Variants in MCU observed in about 807,000 individuals in gnomAD.
MCU encodes calcium uniporter protein, mitochondrial.
MCU carries 12 observed loss-of-function variants against 45.2 expected under a neutral mutation model. That is an observed-to-expected ratio of 0.27 (90% CI 0.17 to 0.43). The LOEUF is 0.43. Among genes scored for constraint, MCU ranks in the 20% least tolerant of loss-of-function variants. The probability of loss-of-function intolerance (pLI) is 1.00; values close to 1 mark genes in which losing one functional copy is unlikely to be tolerated. For missense variants in MCU, 324 were observed against 436.7 expected (o/e 0.74, Z 2.30); for synonymous variants, 160 against 165.1 (o/e 0.97, Z 0.24).
rs1190128294 is a variant in MCU, at chr10:72,867,804, G to A, written c.497-899G>A. Among the ~76,000 whole-genome samples, 3 of 148,008 alleles carry A rather than the reference G, an allele frequency of 2.0e-5. No individual in the cohort carries two copies. In the Admixed American group the frequency reaches 2.0e-4, roughly 10 times the overall value. ...CAGGAGGTGGAGCTTGCAGTGAGCC[G>A]AGATCGCGCCACTGCACTCCAGCCT... On this transcript the variant is annotated intron_variant, in intron 4 of 7. Transcript: ENST00000373053.
intron 1 of MCU, among the ~76,000 whole-genome samples, chr10:72,790,406 A>G (rs571406210): frequency 7.2e-5 from 11 of 152,272 alleles, no homozygotes; most frequent in African/African-American, 2.4e-4. Context: ...TGAATGTTGT[A>G]TGTATTTTAT....
chr10:72,736,293 T>G (rs892235478), intron 1 of MCU, among the ~76,000 whole-genome samples: 2 of 152,208 alleles, frequency 1.3e-5, no homozygotes, highest in African/African-American at 4.8e-5. Context: ...TTACAGATCA[T>G]TCTGCATGCT....
At chr10:72,786,910 A>G (rs1393538792) in intron 1 of MCU, among the ~76,000 whole-genome samples, 1 of 152,150 alleles carries the variant, frequency 6.6e-6, no homozygotes, top group Non-Finnish European at 1.5e-5. Flanking sequence ...TACACAAATC[A>G]CCAAATGTGT....
rs60826955 is a variant in MCU at position 72,726,256 on chromosome 10, C to CGTGTGTGTGTGT, written c.150+33974_150+33985dup. Among the ~76,000 whole-genome samples the CGTGTGTGTGTGT allele has an allele frequency of 3.5e-3, 505 of 145,630 alleles. 3 individuals are homozygous for CGTGTGTGTGTGT. Among genetic ancestry groups the CGTGTGTGTGTGT allele is most frequent in the African/African-American group, 0.012 (477 of 39,738 alleles). ...CACATACTTCAGGCACACACACACA[C>CGTGTGTGTGTGT]GTGTGTGTGTGTGTGTGTGTGTGTG... On this transcript the variant is annotated intron_variant, in intron 1 of 7. Coordinates refer to ENST00000373053, the MANE Select transcript of MCU (RefSeq NM_138357.3).
intron 1 of MCU, among the ~76,000 whole-genome samples, chr10:72,783,751 T>C (rs994313910): frequency 6.6e-6 from 1 of 151,936 alleles, no homozygotes; most frequent in Middle Eastern, 3.2e-3. Context: ...TGGAGTGGAG[T>C]TGGGAAAGAA....
intron 1 of MCU, among the ~76,000 whole-genome samples, chr10:72,824,385 T>C (rs1366411783): frequency 6.9e-6 from 1 of 145,484 alleles, no homozygotes; most frequent in African/African-American, 2.6e-5. Context: ...TTTTTTTTTT[T>C]TTTTTGTAGA....
Position 72,815,969 on chromosome 10 carries a change from A to G in MCU, c.151-18390A>G, listed in dbSNP as rs541100827. ...ATAGCAAGAAGGATCACTTGAGGCC[A>G]TAAGTTCAAGATCAGCCTGGCCAAC... On this transcript the variant is annotated intron_variant, in intron 1 of 7. Transcript: ENST00000373053. Among the ~76,000 whole-genome samples the G allele has an allele frequency of 7.9e-5, 12 of 152,320 alleles. No individual in the cohort carries two copies. In the South Asian group the frequency reaches 2.1e-3, roughly 26 times the overall value.
rs546096734 is a variant in MCU at position 72,737,233 on chromosome 10, A to C, written c.150+44932A>C. ...GTGTCTTTGAGGTCAGGAAGAAAGA[A>C]CAGAAGTCACTAATGTTAATAGCAG... On this transcript the variant is annotated intron_variant, in intron 1 of 7. Coordinates refer to ENST00000373053, the MANE Select transcript of MCU (RefSeq NM_138357.3). Among the ~76,000 whole-genome samples the C allele has an allele frequency of 2.6e-5, 4 of 152,364 alleles. No individual in the cohort carries two copies. The East Asian group carries it at 7.7e-4, about 29-fold the overall frequency.
chr10:72,851,737 C>T (rs1177758293), intron 2 of MCU, among the ~76,000 whole-genome samples: 1 of 152,104 alleles, frequency 6.6e-6, no homozygotes, highest in Non-Finnish European at 1.5e-5. Flanking sequence ...TTGGTGTAAT[C>T]CCTTCCACTT....
In MCU at chr10:72,784,328, T is replaced by G. The variant is rs1016072148; in HGVS notation, c.151-50031T>G. The stretch of plus-strand genomic sequence containing the variant: ...TTTGGAAAATGTTGCTCTGTTTTGA[T>G]AGATCTCTTAGAAGGATGTGTCTTA... On this transcript the variant is annotated intron_variant, in intron 1 of 7. Transcript: ENST00000373053. Among the ~76,000 whole-genome samples, 4 of 152,192 alleles carry G rather than the reference T, an allele frequency of 2.6e-5. No individual in the cohort carries two copies. The East Asian group carries it at 7.7e-4, about 29-fold the overall frequency.
Position 72,859,324 on chromosome 10 carries a change from A to G in MCU, c.368A>G (p.Asp123Gly). 1 of 1,612,902 alleles carries G rather than the reference A, an allele frequency of 6.2e-7. No individual in the cohort carries two copies. Among genetic ancestry groups the G allele is most frequent in the Non-Finnish European group, 8.5e-7 (1 of 1,179,532 alleles). The change falls in exon 3 of 8, where the codon GAC becomes GGC. Residue 123 changes from aspartate to glycine, a missense_variant. This residue lies in a region of MCU where 135 missense variants were observed against 207.3 expected (regional missense o/e 0.65). Transcript: ENST00000373053. ...RQLQEEDRGIDRVAIYSPDGV... is the reference protein window; with the variant it reads ...RQLQEEDRGIGRVAIYSPDGV... ...CTGCAAGAAGAGGATCGGGGAATTG[A>G]CAGAGTTGCTATCTATTCACCAGGT...
chr10:72,816,421 T>A (rs1844627202), intron 1 of MCU, among the ~76,000 whole-genome samples: 1 of 152,220 alleles, frequency 6.6e-6, no homozygotes, highest in Admixed American at 6.5e-5. Flanking sequence ...TGAACTTCAG[T>A]AATTGAAAGC....
intron 1 of MCU, among the ~76,000 whole-genome samples, chr10:72,756,189 G>A (rs964078687): frequency 6.6e-6 from 1 of 152,040 alleles, no homozygotes; most frequent in Non-Finnish European, 1.5e-5. Flanking sequence ...GTTTTGCTGT[G>A]TTGCCCAGGC....
At chr10:72,737,521 CT>C (rs796167474) in intron 1 of MCU, among the ~76,000 whole-genome samples, 186 of 136,286 alleles carry the variant, frequency 1.4e-3, no homozygotes, top group Middle Eastern at 3.8e-3. Context: ...TTTTTCTTTC[CT>C]TTTTTTTTTT....
chr10:72,767,335 T>C (rs1843742465), intron 1 of MCU, among the ~76,000 whole-genome samples: 1 of 152,124 alleles, frequency 6.6e-6, no homozygotes, highest in South Asian at 2.1e-4. Context: ...GAGACACAGG[T>C]ATTATAGAGG....
intron 6 of MCU, among the ~76,000 whole-genome samples, chr10:72,873,012 G>A (rs979602064): frequency 8.6e-5 from 12 of 139,158 alleles, no homozygotes. Flanking sequence ...TTGTTTTTTG[G>A]GTTTTTTTTT....
intron 1 of MCU, among the ~76,000 whole-genome samples, chr10:72,706,319 G>A (rs1842819458): frequency 6.6e-6 from 1 of 151,186 alleles, no homozygotes; most frequent in Non-Finnish European, 1.5e-5. Flanking sequence ...AGATATATGA[G>A]ATTCCTACTG....
In MCU at chr10:72,887,610, A is replaced by G. The variant is rs1025506747; in HGVS notation, c.*1788A>G. The G allele has an allele frequency of 6.5e-6, 1 of 152,762 alleles. No homozygotes were observed. Among genetic ancestry groups the G allele is most frequent in the African/African-American group, 2.4e-5 (1 of 41,436 alleles). 9.5% of individuals were successfully genotyped at this position (152,762 alleles called of 1,614,324 possible). The stretch of plus-strand genomic sequence containing the variant: ...TTAAACAAATAGCAAACTATTGAAC[A>G]TGTGTAAAATCCTGTATCATTTATG... On this transcript the variant is annotated 3_prime_UTR_variant, in exon 8 of 8. Transcript: ENST00000373053.
intron 1 of MCU, among the ~76,000 whole-genome samples, chr10:72,748,747 A>G (rs190114596): frequency 5.4e-4 from 82 of 152,340 alleles, no homozygotes; most frequent in African/African-American, 1.9e-3. Context: ...GATAAACTCT[A>G]AGGGAAGGAC....
Sources: allele counts gnomAD v4.1 joint callset (sites outside exome capture counted in the v4.1 genomes callset), GRCh38; gene constraint gnomAD v4.1.1; regional missense constraint gnomAD v4.1.1; transcripts MANE v1.5; gene names NCBI Gene and HGNC (gene_info 2026-07-23, HGNC 2026-07-21).